CSMD3: variants seen among roughly 807,000 people sequenced by gnomAD.
CSMD3 encodes the protein CUB and sushi domain-containing protein 3.
In CSMD3, 177 loss-of-function variants were observed where a neutral mutation model predicts 435.2. That is an observed-to-expected ratio of 0.41 (90% CI 0.36 to 0.46). The LOEUF (loss-of-function observed/expected upper bound fraction) is 0.46. Among genes scored for constraint, CSMD3 ranks in the 20% least tolerant of loss-of-function variants. The probability of loss-of-function intolerance (pLI) is 0.34; values close to 1 mark genes in which losing one functional copy is unlikely to be tolerated. For missense variants in CSMD3, 4,265 were observed against 4,504.6 expected, an observed-to-expected ratio of 0.95 and a Z score of 1.52; for synonymous variants, 1,656 against 1,520.5, an observed-to-expected ratio of 1.09 and a Z score of -2.07.
rs540541792 is a variant in CSMD3 at position 113,126,768 on chromosome 8, A to G, written c.710-27805T>C. Among the ~76,000 whole-genome samples, 15 of 151,968 alleles carry G rather than the reference A, an allele frequency of 9.9e-5. No homozygotes were observed. In the South Asian group the frequency reaches 2.1e-3, roughly 21 times the overall value. The stretch of plus-strand genomic sequence containing the variant: ...TCAATTTTCTACAATTAATTTAAAA[A>G]ACAGCAGAGGATTCTGTTTACCCTG... On this transcript the variant is annotated intron_variant, in intron 4 of 70. Transcript: ENST00000297405.
chr8:112,818,222 T>G (rs942735281), intron 12 of CSMD3, among the ~76,000 whole-genome samples: 2 of 152,046 alleles, frequency 1.3e-5, no homozygotes, highest in African/African-American at 4.8e-5. Context: ...TTAGAAAATG[T>G]TAGAATGTTC....
chr8:113,167,354 T>G (rs1316121699), intron 4 of CSMD3, among the ~76,000 whole-genome samples: 1 of 152,196 alleles, frequency 6.6e-6, no homozygotes, highest in Non-Finnish European at 1.5e-5. Context: ...ATCTAATTTC[T>G]TTAACCTTCA....
At chr8:113,041,973 A>G (rs1236603636) in intron 5 of CSMD3, among the ~76,000 whole-genome samples, 1 of 152,178 alleles carries the variant, frequency 6.6e-6, no homozygotes, top group Non-Finnish European at 1.5e-5. Flanking sequence ...TGCTTATGGA[A>G]ATTCCTACCT....
At chr8:112,324,889 G>T (rs1423329302) in intron 45 of CSMD3, among the ~76,000 whole-genome samples, 1 of 151,978 alleles carries the variant, frequency 6.6e-6, no homozygotes, top group African/African-American at 2.4e-5. Context: ...ATATTGCAGT[G>T]GGTGTTAAAT....
chr8:112,275,077 T>G (rs1336085890), intron 59 of CSMD3, among the ~76,000 whole-genome samples: 2 of 152,108 alleles, frequency 1.3e-5, no homozygotes, highest in Non-Finnish European at 2.9e-5. Context: ...GTCGGCTTGC[T>G]TCCTCATTTG....
chr8:112,721,367 G>A lies in CSMD3; in HGVS notation c.1973-31317C>T, dbSNP rs566056620. On this transcript the variant is annotated intron_variant, in intron 13 of 70. Coordinates refer to ENST00000297405, the MANE Select transcript of CSMD3 (RefSeq NM_198123.2). ...AGGCAGGTGGATCACCTGAGGTCAG[G>A]AGTTTCAAATCAGCCTGGCCAACAT... is the stretch of plus-strand genomic sequence containing the variant. Among the ~76,000 whole-genome samples, 3 of 152,160 alleles carry A rather than the reference G, an allele frequency of 2.0e-5. No individual in the cohort carries two copies. The South Asian group carries it at 6.2e-4, about 32-fold the overall frequency.
At chr8:112,795,612 T>C (rs2078810204) in intron 13 of CSMD3, among the ~76,000 whole-genome samples, 1 of 152,054 alleles carries the variant, frequency 6.6e-6, no homozygotes, top group Admixed American at 6.6e-5. Context: ...AATTATAAGA[T>C]TGAGGATGAA....
At position 112,880,421 on chromosome 8, in the gene CSMD3, T is replaced by C. The variant is rs543989517; in HGVS notation, c.1634-21155A>G. 4.6e-5 allele frequency among the ~76,000 whole-genome samples: 7 copies of C among 152,166 alleles called. No homozygotes were observed. The East Asian group carries it at 1.4e-3, about 30-fold the overall frequency. On this transcript the variant is annotated intron_variant, in intron 10 of 70. Transcript: ENST00000297405. Reference sequence around the variant, plus strand: ...TACTAAGATAAAAGTAATCAGGAGTTATGGAACCATAAAAGAATAGACATT... The same window carrying C: ...TACTAAGATAAAAGTAATCAGGAGTCATGGAACCATAAAAGAATAGACATT...
intron 4 of CSMD3, among the ~76,000 whole-genome samples, chr8:113,112,057 T>C (rs2090658649): frequency 6.6e-6 from 1 of 152,114 alleles, no homozygotes; most frequent in South Asian, 2.1e-4. Flanking sequence ...CATTTACTTA[T>C]CTGCCTTTCA....
intron 2 of CSMD3, among the ~76,000 whole-genome samples, chr8:113,300,162 CA>C (rs34291122): frequency 6.4e-4 from 75 of 116,560 alleles, no homozygotes; most frequent in African/African-American, 6.8e-4. Context: ...TCAAAAAAGT[CA>C]AAAAAAAAAA....
chr8:112,996,719 A>G (rs1242019602), intron 6 of CSMD3, among the ~76,000 whole-genome samples: 1 of 151,652 alleles, frequency 6.6e-6, no homozygotes, highest in Non-Finnish European at 1.5e-5. Flanking sequence ...TGTGCATCCT[A>G]TATCTTAGCA....
chr8:113,410,213 A>C (rs2094551854), intron 1 of CSMD3, among the ~76,000 whole-genome samples: 1 of 152,158 alleles, frequency 6.6e-6, no homozygotes, highest in African/African-American at 2.4e-5. Context: ...GATATATTCT[A>C]ACTACCAGAC....
intron 5 of CSMD3, among the ~76,000 whole-genome samples, chr8:113,035,855 T>C (rs2087325842): frequency 6.6e-6 from 1 of 151,944 alleles, no homozygotes; most frequent in Non-Finnish European, 1.5e-5. Context: ...TATTAGTACA[T>C]ATAGAAATGT....
chr8:113,195,791 T>TTATA (rs749886578), intron 3 of CSMD3, among the ~76,000 whole-genome samples: 10,476 of 125,558 alleles, frequency 0.083, 470 homozygotes, highest in East Asian at 0.13. Flanking sequence ...ATCCTATATT[T>TTATA]TATATATATA....
chr8:112,285,548 C>T lies in CSMD3; in HGVS notation c.9331+1516G>A, dbSNP rs549524091. Among the ~76,000 whole-genome samples, 22 of 152,176 alleles carry T rather than the reference C, an allele frequency of 1.4e-4. No individual in the cohort carries two copies. In the South Asian group the frequency reaches 4.6e-3, roughly 32 times the overall value. On this transcript the variant is annotated intron_variant, in intron 58 of 70. Coordinates refer to ENST00000297405, the MANE Select transcript of CSMD3 (RefSeq NM_198123.2). ...GGAAAGTTTGATTGGGAATTATCTT[C>T]TATTTACAAAACCAATATGTTTGGT...
chr8:112,627,873 C>T (rs1834620184), intron 22 of CSMD3, among the ~76,000 whole-genome samples: 1 of 152,252 alleles, frequency 6.6e-6, no homozygotes, highest in African/African-American at 2.4e-5. Flanking sequence ...GTGGCAGACA[C>T]ACAGAAAGTA....
intron 7 of CSMD3, 142 bp downstream of exon 7, chr8:112,975,695 T>C (rs1564168177): frequency 8.2e-7 from 1 of 1,223,236 alleles, no homozygotes; most frequent in South Asian, 1.4e-5. Context: ...GTTGTTACTA[T>C]CCATATTTTT....
intron 3 of CSMD3, among the ~76,000 whole-genome samples, chr8:113,206,170 C>T (rs531778178): frequency 6.6e-6 from 1 of 151,970 alleles, no homozygotes; most frequent in African/African-American, 2.4e-5. Context: ...CCCCCAAGAA[C>T]GAGACTACAA....
chr8:112,847,897 A>G (rs2080372476), intron 11 of CSMD3, among the ~76,000 whole-genome samples: 1 of 152,174 alleles, frequency 6.6e-6, no homozygotes, highest in African/African-American at 2.4e-5. Context: ...GATCTAAAGA[A>G]AAAACATGGG....
Sources: gnomAD v4.1 joint callset for allele counts (sites outside exome capture counted in the v4.1 genomes callset) on GRCh38, gnomAD v4.1.1 for gene constraint, MANE v1.5 for transcripts, NCBI Gene and HGNC (gene_info 2026-07-23, HGNC 2026-07-21) for gene names.